Variants in DDX50 observed in about 807,000 individuals in gnomAD.
The protein encoded by DDX50 is ATP-dependent RNA helicase DDX50.
DDX50 carries 56 observed loss-of-function variants against 94.8 expected under a neutral mutation model. The observed-to-expected ratio is 0.59, with a 90% confidence interval of 0.48 to 0.74. DDX50 has a LOEUF of 0.74. Among genes scored for constraint, DDX50 ranks in the 30% least tolerant of loss-of-function variants. DDX50 has a pLI of 0.00. For missense variants in DDX50, 713 were observed against 881.2 expected, an observed-to-expected ratio of 0.81 and a Z score of 2.42; for synonymous variants, 264 against 295.4, an observed-to-expected ratio of 0.89 and a Z score of 1.09.
chr10:68,929,292 C>CCTTCCTTCCTTCCTCT (rs1554836333), intron 8 of DDX50, among the ~76,000 whole-genome samples: 18 of 122,628 alleles, frequency 1.5e-4, no homozygotes, highest in African/African-American at 5.3e-4. Context: ...TTCCTTCCTT[C>CCTTCCTTCCTTCCTCT]CTCTCTCTCT....
intron 1 of DDX50, chr10:68,906,312 G>C (rs118051852): frequency 0.04 from 6,358 of 159,636 alleles, 157 homozygotes; most frequent in South Asian, 0.077. Context: ...AACAAGATAA[G>C]CTGAAAACAC....
At chr10:68,901,665 C>T (rs1392891006) in intron 1 of DDX50, among the ~76,000 whole-genome samples, 194 bp downstream of exon 1, 2 of 152,160 alleles carry the variant, frequency 1.3e-5, no homozygotes, top group African/African-American at 2.4e-5. Flanking sequence ...AGAAAGATGG[C>T]CCTGGGCTTT....
rs1424688947 is a variant in DDX50, at chr10:68,921,955, T to C, written c.1239+1974T>C. Among the ~76,000 whole-genome samples the C allele has an allele frequency of 4.6e-5, 7 of 152,218 alleles. No homozygotes were observed. In the East Asian group the frequency reaches 1.3e-3, roughly 29 times the overall value. On this transcript the variant is annotated intron_variant, in intron 8 of 14. Coordinates refer to ENST00000373585, the MANE Select transcript of DDX50 (RefSeq NM_024045.2). ...ACTAGAATATATTTTGGTGGTGTTCTTTGTCAGTTTTTCTGGGTACGCAGT... is the reference window on the plus strand; with the variant it reads ...ACTAGAATATATTTTGGTGGTGTTCCTTGTCAGTTTTTCTGGGTACGCAGT...
In DDX50 at chr10:68,946,762, T is replaced by A. The variant is rs1434640926; in HGVS notation, c.*132T>A. On this transcript the variant is annotated 3_prime_UTR_variant, in exon 15 of 15. Transcript: ENST00000373585. ...TGCAAAGAAGTTGGTCGTATTTTTTTAAAAAGTATTTCACAAGAATGGAAC... is the reference window on the plus strand; with the variant it reads ...TGCAAAGAAGTTGGTCGTATTTTTTAAAAAAGTATTTCACAAGAATGGAAC... The A allele has an allele frequency of 3.4e-6, 4 of 1,181,668 alleles. No homozygotes were observed. The highest frequency in any genetic ancestry group is 1.5e-5 in the South Asian group (1 of 64,990). 73.2% of individuals were successfully genotyped at this position (1,181,668 alleles called of 1,614,324 possible).
chr10:68,913,848 T>C (rs1450670645), intron 6 of DDX50, among the ~76,000 whole-genome samples: 1 of 152,206 alleles, frequency 6.6e-6, no homozygotes, highest in Non-Finnish European at 1.5e-5. Context: ...CCTGCTTAAA[T>C]TCTCACTTTC....
At chr10:68,927,568 A>G (rs1366601710) in intron 8 of DDX50, among the ~76,000 whole-genome samples, 1 of 152,252 alleles carries the variant, frequency 6.6e-6, no homozygotes, top group East Asian at 1.9e-4. Context: ...ATACGTACAT[A>G]TGCACACATA....
At chr10:68,938,438 T>G (rs1842475965) in intron 12 of DDX50, among the ~76,000 whole-genome samples, 1 of 152,184 alleles carries the variant, frequency 6.6e-6, no homozygotes, top group South Asian at 2.1e-4. Flanking sequence ...GTGAAGAGAA[T>G]TTTAAATAAG....
At chr10:68,936,500 AAAAAAAAAAAAAAAAATAT>A (rs1842412330) in intron 11 of DDX50, among the ~76,000 whole-genome samples, 1 of 44,404 alleles carries the variant, frequency 2.3e-5, no homozygotes, top group African/African-American at 9.0e-5. Flanking sequence ...AAAAAAAAAA[AAAAAAAAAAAAAAAAATAT>A]ATATATATAT....
intron 7 of DDX50, among the ~76,000 whole-genome samples, chr10:68,919,037 A>G (rs1841877660): frequency 6.6e-6 from 1 of 152,192 alleles, no homozygotes; most frequent in Non-Finnish European, 1.5e-5. Flanking sequence ...CATGCTGTTT[A>G]GGTTTGTAGC....
intron 8 of DDX50, among the ~76,000 whole-genome samples, chr10:68,920,745 A>T (rs1488415123): frequency 6.6e-6 from 1 of 151,946 alleles, no homozygotes; most frequent in Non-Finnish European, 1.5e-5. Flanking sequence ...CAGGAGTTCA[A>T]GACCAGCCTG....
intron 12 of DDX50, among the ~76,000 whole-genome samples, chr10:68,939,171 G>T (rs1842495791): frequency 6.6e-6 from 1 of 152,124 alleles, no homozygotes; most frequent in Non-Finnish European, 1.5e-5. Context: ...GATGGAAACT[G>T]CCATATTGTA....
rs202058970 is a variant in DDX50, at chr10:68,946,469, G to A, written c.2053G>A (p.Gly685Ser). Reference protein sequence around the residue: ...NSRQRSGWSSGRSGRSGRSGG... With the variant: ...NSRQRSGWSSSRSGRSGRSGG... ...CAGACAGAGGAGTGGCTGGTCAAGT[G>A]GTCGATCAGGCCGGTCAGGCCGGTC... is the stretch of plus-strand genomic sequence containing the variant. Residue 685 changes from glycine to serine, a missense_variant, in exon 15 of 15, where the codon GGT (glycine) becomes AGT (serine). By Grantham distance (56) the Gly-to-Ser change is moderately conservative. Around this residue, in one of 2 missense-constraint regions of DDX50, gnomAD observed 428 missense variants for 602.3 expected, o/e 0.71. Coordinates refer to ENST00000373585, the MANE Select transcript of DDX50 (RefSeq NM_024045.2). 1.2e-6 allele frequency: 2 copies of A among 1,614,192 alleles called. No homozygotes were observed. Among genetic ancestry groups the A allele is most frequent in the African/African-American group, 2.7e-5 (2 of 75,052 alleles).
chr10:68,929,563 C>T (rs1170074513), intron 8 of DDX50, among the ~76,000 whole-genome samples: 1 of 150,532 alleles, frequency 6.6e-6, no homozygotes, highest in Admixed American at 6.6e-5. Flanking sequence ...GAAGCTGGGA[C>T]TACAGGCGTG....
intron 14 of DDX50, among the ~76,000 whole-genome samples, chr10:68,944,579 G>A (rs1261120441): frequency 1.3e-5 from 2 of 151,120 alleles, no homozygotes; most frequent in African/African-American, 4.9e-5. Flanking sequence ...ACAGAATCTC[G>A]CTCTGCTGCC....
At chr10:68,912,769 G>C (rs984943210) in intron 4 of DDX50, among the ~76,000 whole-genome samples, 5 of 152,198 alleles carry the variant, frequency 3.3e-5, no homozygotes, top group Non-Finnish European at 7.3e-5. Context: ...ACTGTACCAG[G>C]CACTGTTTGA....
intron 13 of DDX50, 116 bp downstream of exon 13, chr10:68,941,310 TTC>T (rs1328083362): frequency 1.5e-5 from 20 of 1,339,446 alleles, no homozygotes; most frequent in Non-Finnish European, 2.0e-5. Flanking sequence ...ATGCTGTTTT[TTC>T]TCTGTTAGTT....
intron 8 of DDX50, among the ~76,000 whole-genome samples, chr10:68,928,147 T>A (rs1842138227): frequency 6.6e-6 from 1 of 152,074 alleles, no homozygotes; most frequent in Non-Finnish European, 1.5e-5. Flanking sequence ...AGAATCTGTC[T>A]CTACAAAAAA....
chr10:68,931,172 C>G (rs1471743354), intron 8 of DDX50, among the ~76,000 whole-genome samples: 3 of 151,576 alleles, frequency 2.0e-5, no homozygotes, highest in Non-Finnish European at 4.4e-5. Flanking sequence ...TCTTTCTGAC[C>G]AGGATATAAA....
intron 1 of DDX50, among the ~76,000 whole-genome samples, chr10:68,902,604 A>G (rs907603270): frequency 6.6e-6 from 1 of 152,200 alleles, no homozygotes; most frequent in African/African-American, 2.4e-5. Flanking sequence ...CTCTGTGCCC[A>G]TTAAACACTC....
Sources: allele counts gnomAD v4.1 joint callset (sites outside exome capture counted in the v4.1 genomes callset), GRCh38; gene constraint gnomAD v4.1.1; regional missense constraint gnomAD v4.1.1; transcripts MANE v1.5; gene names NCBI Gene and HGNC (gene_info 2026-07-23, HGNC 2026-07-21).